SERPINI1: variants seen among roughly 807,000 people sequenced by gnomAD.
SERPINI1 encodes the protein neuroserpin.
SERPINI1 carries 19 observed loss-of-function variants against 41.1 expected under a neutral mutation model. The observed-to-expected ratio is 0.46, with a 90% CI of 0.32 to 0.68. The LOEUF is 0.68. Ranked by LOEUF, SERPINI1 falls within the 30% of genes least tolerant of loss-of-function variation. The pLI is 0.03. For missense variants in SERPINI1, 460 were observed against 479.2 expected (o/e 0.96, Z 0.37); for synonymous variants, 138 against 156.6 (o/e 0.88, Z 0.89).
intron 5 of SERPINI1, among the ~76,000 whole-genome samples, chr3:167,801,828 A>C (rs563995308): frequency 6.6e-6 from 1 of 152,322 alleles, no homozygotes; most frequent in South Asian, 2.1e-4. Flanking sequence ...GGAATGGACA[A>C]CTAGAGATTA....
intron 1 of SERPINI1, among the ~76,000 whole-genome samples, chr3:167,771,323 GA>G (rs1726740836): frequency 6.8e-6 from 1 of 147,756 alleles, no homozygotes; most frequent in Admixed American, 7.0e-5. Flanking sequence ...TTATAAAGAT[GA>G]TTTTTTTTAA....
chr3:167,772,891 TATACACACACAC>T (rs1455418326), intron 1 of SERPINI1, among the ~76,000 whole-genome samples: 3 of 73,692 alleles, frequency 4.1e-5, no homozygotes, highest in African/African-American at 2.1e-4. Context: ...TATATATATA[TATACACACACAC>T]ACACACACAC....
chr3:167,808,313 G>A, intron 6 of SERPINI1, among the ~76,000 whole-genome samples: 1 of 149,074 alleles, frequency 6.7e-6, no homozygotes. Flanking sequence ...CAAAATATTA[G>A]CCATGTTAAA....
rs529896008 is a variant in SERPINI1, at chr3:167,792,078, T to A, written c.482-512T>A. Among the ~76,000 whole-genome samples the A allele has an allele frequency of 3.4e-4, 51 of 152,212 alleles. 1 individual carries two copies. The highest frequency in any genetic ancestry group is 2.0e-3 in the Admixed American group (30 of 15,274). On this transcript the variant is annotated intron_variant, in intron 3 of 8. Transcript: ENST00000446050. ...AGACAGAGTTTGCAGTGAGCAGAGA[T>A]CATACCATTGCACTCCAGCCTAGGT...
chr3:167,789,293 T>C lies in SERPINI1; in HGVS notation c.165T>C (p.Leu55=). The change falls in exon 2 of 9, where the codon CTT becomes CTC. Residue 55 remains leucine (L), a synonymous_variant. Coordinates refer to ENST00000446050, the MANE Select transcript of SERPINI1 (RefSeq NM_001122752.2). ...TCTTCTCTCCATTGAGTATTGCTCT[T>C]GCAATGGGAATGATGGAACTTGGGG... ...NILFSPLSIA[L]AMGMMELGAQ... is the part of the protein sequence containing the mutation. The C allele has an allele frequency of 1.2e-6, 2 of 1,614,136 alleles. No homozygotes were observed. The highest frequency in any genetic ancestry group is 1.7e-6 in the Non-Finnish European group (2 of 1,180,002).
chr3:167,774,493 T>C (rs1268679713), intron 1 of SERPINI1, among the ~76,000 whole-genome samples: 1 of 152,122 alleles, frequency 6.6e-6, no homozygotes, highest in African/African-American at 2.4e-5. Context: ...ACCTCATACC[T>C]GATCTTATAA....
At position 167,751,169 on chromosome 3, in the gene SERPINI1, GA is replaced by G. The variant is rs547083993; in HGVS notation, c.-19+15354del. Among the ~76,000 whole-genome samples, 6 of 151,720 alleles carry G rather than the reference GA, an allele frequency of 4.0e-5. No individual in the cohort carries two copies. The East Asian group carries it at 1.2e-3, about 29-fold the overall frequency. On this transcript the variant is annotated intron_variant, in intron 1 of 8. Coordinates refer to ENST00000446050, the MANE Select transcript of SERPINI1 (RefSeq NM_001122752.2). ...TGTTTTGCAGAGTTTATTATGTTAG[GA>G]AAAAAAAGATTTTCTTTAGGTAAGG...
chr3:167,820,018 A>C (rs1290526604), intron 6 of SERPINI1, among the ~76,000 whole-genome samples: 1 of 152,212 alleles, frequency 6.6e-6, no homozygotes, highest in Non-Finnish European at 1.5e-5. Flanking sequence ...ATGGTTTGCT[A>C]GGGCTGCTGT....
chr3:167,777,145 T>G (rs910845335), intron 1 of SERPINI1, among the ~76,000 whole-genome samples: 3 of 152,146 alleles, frequency 2.0e-5, no homozygotes, highest in African/African-American at 7.2e-5. Flanking sequence ...CTCTTAGTAA[T>G]TTTCCATCCA....
chr3:167,820,761 G>A (rs376975504), intron 6 of SERPINI1, among the ~76,000 whole-genome samples: 1 of 152,332 alleles, frequency 6.6e-6, no homozygotes, highest in Admixed American at 6.5e-5. Context: ...GCTCCTGGGT[G>A]GAAAGGGGAG....
At chr3:167,776,454 C>T (rs9864616) in intron 1 of SERPINI1, among the ~76,000 whole-genome samples, 2 of 152,012 alleles carry the variant, frequency 1.3e-5, no homozygotes, top group Non-Finnish European at 2.9e-5. Flanking sequence ...AAAAGCCTTT[C>T]GAATTCCAAA....
chr3:167,789,922 G>T (rs956455883), intron 2 of SERPINI1, among the ~76,000 whole-genome samples: 2 of 152,038 alleles, frequency 1.3e-5, no homozygotes, highest in African/African-American at 4.8e-5. Context: ...TTAATGCTCT[G>T]ATATACGTGT....
chr3:167,776,489 C>T (rs2108549174), intron 1 of SERPINI1, among the ~76,000 whole-genome samples: 1 of 152,290 alleles, frequency 6.6e-6, no homozygotes, highest in East Asian at 1.9e-4. Flanking sequence ...CATTTGAGAT[C>T]TCCTGAAGAC....
intron 2 of SERPINI1, among the ~76,000 whole-genome samples, chr3:167,789,664 A>G (rs36025992): frequency 0.13 from 19,236 of 152,184 alleles, 1,455 homozygotes; most frequent in African/African-American, 0.21. Flanking sequence ...CAGTGTAGAG[A>G]GAGAGGCACA....
At chr3:167,789,723 A>C (rs115868670) in intron 2 of SERPINI1, among the ~76,000 whole-genome samples, 2,294 of 152,334 alleles carry the variant, frequency 0.015, 50 homozygotes, top group African/African-American at 0.053. Context: ...TGAGTACTAC[A>C]AAGAAAGACA....
intron 6 of SERPINI1, 71 bp from the exon 7 acceptor site, chr3:167,822,915 A>T: frequency 1.2e-6 from 1 of 856,714 alleles, no homozygotes; most frequent in Non-Finnish European, 2.0e-6. Context: ...TCTAAAATCC[A>T]TTTAACAAAA....
chr3:167,745,821 A>G (rs1349342061), intron 1 of SERPINI1, among the ~76,000 whole-genome samples: 1 of 152,150 alleles, frequency 6.6e-6, no homozygotes, highest in Non-Finnish European at 1.5e-5. Flanking sequence ...ATAAAAAGGA[A>G]ATAAAATACC....
intron 2 of SERPINI1, among the ~76,000 whole-genome samples, 161 bp from the exon 3 acceptor site, chr3:167,790,211 G>T (rs1727452554): frequency 6.6e-6 from 1 of 152,284 alleles, no homozygotes. Context: ...TCTAGAAATA[G>T]TACAAGTATT....
chr3:167,744,738 TTA>T (rs1164253701), intron 1 of SERPINI1, among the ~76,000 whole-genome samples: 2 of 124,898 alleles, frequency 1.6e-5, no homozygotes, highest in Non-Finnish European at 3.3e-5. Context: ...AATATATATA[TTA>T]TATATAACTA....
Sources: gnomAD v4.1 joint callset for allele counts (sites outside exome capture counted in the v4.1 genomes callset) on GRCh38, gnomAD v4.1.1 for gene constraint, MANE v1.5 for transcripts, NCBI Gene and HGNC (gene_info 2026-07-23, HGNC 2026-07-21) for gene names.